Variants in ZNF892 observed in about 807,000 individuals in gnomAD.
ZNF892 encodes zinc finger protein 892, also known as zinc finger protein 570-like.
At chr2:95,260,470 C>T in the ZNF892 span, among the ~76,000 whole-genome samples, 1 of 152,156 alleles carries the variant, frequency 6.6e-6, no homozygotes, top group Non-Finnish European at 1.5e-5. Context: ...TCTTTGTCTC[C>T]CCTTCTTATC....
the ZNF892 span, among the ~76,000 whole-genome samples, chr2:95,248,450 T>TA: frequency 2.6e-5 from 4 of 152,152 alleles, no homozygotes; most frequent in African/African-American, 9.7e-5. Flanking sequence ...TCATGGAACA[T>TA]ACCCAGGTAA....
the ZNF892 span, among the ~76,000 whole-genome samples, chr2:95,211,063 C>A: frequency 2.0e-5 from 3 of 152,124 alleles, no homozygotes; most frequent in Admixed American, 2.0e-4. Flanking sequence ...TGAAAAATGA[C>A]AAGAACACTC....
the ZNF892 span, among the ~76,000 whole-genome samples, chr2:95,209,975 T>A: frequency 6.6e-6 from 1 of 152,056 alleles, no homozygotes; most frequent in South Asian, 2.1e-4. Flanking sequence ...TCTTTTAACT[T>A]TATGTCATTA....
chr2:95,229,930 T>C, the ZNF892 span, among the ~76,000 whole-genome samples: 1 of 152,190 alleles, frequency 6.6e-6, no homozygotes, highest in African/African-American at 2.4e-5. Context: ...TGTCAACACT[T>C]TGTACTTTTA....
At chr2:95,215,291 C>A in the ZNF892 span, 1 of 467,006 alleles carries the variant, frequency 2.1e-6, no homozygotes, top group Non-Finnish European at 3.8e-6. Flanking sequence ...CCTATAAATG[C>A]AATGATTGTG....
At chr2:95,235,057 C>T in the ZNF892 span, among the ~76,000 whole-genome samples, 3 of 152,186 alleles carry the variant, frequency 2.0e-5, no homozygotes, top group East Asian at 5.8e-4. Flanking sequence ...CGCTGCACAA[C>T]TCATTGCTTG....
At chr2:95,244,865 A>G in the ZNF892 span, among the ~76,000 whole-genome samples, 1 of 152,360 alleles carries the variant, frequency 6.6e-6, no homozygotes, top group Non-Finnish European at 1.5e-5. Flanking sequence ...CAATCAAATT[A>G]GAACTCAAGA....
chr2:95,217,181 CCCT>C, the ZNF892 span, among the ~76,000 whole-genome samples: 2 of 152,116 alleles, frequency 1.3e-5, no homozygotes, highest in Admixed American at 6.6e-5. Context: ...AGAAATAGCT[CCCT>C]CTTCTTATCA....
At chr2:95,240,162 G>A in the ZNF892 span, among the ~76,000 whole-genome samples, 1 of 152,040 alleles carries the variant, frequency 6.6e-6, no homozygotes, top group Non-Finnish European at 1.5e-5. Context: ...TTGGGGAGGA[G>A]CAAAGATGTC....
the ZNF892 span, among the ~76,000 whole-genome samples, chr2:95,255,047 T>G: frequency 6.6e-6 from 1 of 152,220 alleles, no homozygotes; most frequent in African/African-American, 2.4e-5. Flanking sequence ...ATTCATGGAT[T>G]TTTTGAAGGG....
At chr2:95,213,587 C>T in the ZNF892 span, among the ~76,000 whole-genome samples, 1 of 152,094 alleles carries the variant, frequency 6.6e-6, no homozygotes, top group Non-Finnish European at 1.5e-5. Flanking sequence ...CTCTTTCTTT[C>T]CTTTCTCTCT....
At chr2:95,230,034 A>G in the ZNF892 span, among the ~76,000 whole-genome samples, 1 of 152,066 alleles carries the variant, frequency 6.6e-6, no homozygotes, top group Admixed American at 6.5e-5. Flanking sequence ...TATATATACC[A>G]TGGAATAAAA....
chr2:95,207,559 C>G, the ZNF892 span: 161 of 369,568 alleles, frequency 4.4e-4, no homozygotes, highest in African/African-American at 3.0e-3. Context: ...GGCGTCCCCG[C>G]CGGCTGTTAG....
chr2:95,235,038 G>A, the ZNF892 span, among the ~76,000 whole-genome samples: 1 of 152,316 alleles, frequency 6.6e-6, no homozygotes, highest in South Asian at 2.1e-4. Flanking sequence ...AGGTCACCCA[G>A]CTGGTGTCCG....
At chr2:95,210,333 GC>G in the ZNF892 span, among the ~76,000 whole-genome samples, 1 of 151,754 alleles carries the variant, frequency 6.6e-6, no homozygotes, top group African/African-American at 2.4e-5. Flanking sequence ...TGATTCATTT[GC>G]TAACCCAAGG....
At chr2:95,256,188 A>G in the ZNF892 span, among the ~76,000 whole-genome samples, 1 of 152,078 alleles carries the variant, frequency 6.6e-6, no homozygotes, top group East Asian at 1.9e-4. Context: ...ACAATTTGGG[A>G]TGTTTTTGCA....
At chr2:95,230,798 T>C in the ZNF892 span, among the ~76,000 whole-genome samples, 3 of 152,238 alleles carry the variant, frequency 2.0e-5, no homozygotes, top group East Asian at 1.9e-4. Context: ...GTTGCTCTTA[T>C]GTTTTCATGA....
At chr2:95,248,183 C>T in the ZNF892 span, among the ~76,000 whole-genome samples, 1 of 152,180 alleles carries the variant, frequency 6.6e-6, no homozygotes, top group African/African-American at 2.4e-5. Flanking sequence ...ATGTCCTTCG[C>T]AGCAACATAG....
chr2:95,228,818 A>G, the ZNF892 span, among the ~76,000 whole-genome samples: 1 of 152,064 alleles, frequency 6.6e-6, no homozygotes, highest in Non-Finnish European at 1.5e-5. Context: ...CCCCAAAATC[A>G]TTAAGGAAAA....
Sources: allele counts gnomAD v4.1 joint callset (sites outside exome capture counted in the v4.1 genomes callset), GRCh38; gene constraint gnomAD v4.1.1; transcripts MANE v1.5; gene names NCBI Gene and HGNC (gene_info 2026-07-23, HGNC 2026-07-21).